The following ARHGAP45 variants were observed in gnomAD, a reference collection of about 807,000 sequenced individuals.
ARHGAP45 encodes the protein rho GTPase-activating protein 45.
In ARHGAP45, 56 loss-of-function variants were observed where a neutral mutation model predicts 116.1. The ratio of observed to expected loss-of-function variants is 0.48; its 90% CI spans 0.39 to 0.60. ARHGAP45 has a LOEUF of 0.60. Ranked by LOEUF, ARHGAP45 falls within the 20% of genes least tolerant of loss-of-function variation. ARHGAP45 has a pLI of 0.00. For synonymous variants in ARHGAP45, 866 were observed against 701.7 expected, an observed-to-expected ratio of 1.23 and a Z score of -3.70; for missense variants, 1,622 against 1,601.0, an observed-to-expected ratio of 1.01 and a Z score of -0.22.
chr19:1,082,786 A>G (rs1365276418), intron 19 of ARHGAP45, 54 bp from the exon 20 acceptor site: 10 of 1,402,534 alleles, frequency 7.1e-6, no homozygotes, highest in Non-Finnish European at 9.4e-6. Flanking sequence ...TGGCAGGCAC[A>G]CGTGGGGGCT....
chr19:1,072,726 T>G (rs1390945908), intron 2 of ARHGAP45, among the ~76,000 whole-genome samples: 1 of 152,192 alleles, frequency 6.6e-6, no homozygotes, highest in Non-Finnish European at 1.5e-5. Flanking sequence ...TGTTGAGAAA[T>G]GGCTTCCCCT....
chr19:1,086,295 G>C lies in ARHGAP45; in HGVS notation c.*289G>C. On this transcript the variant is annotated 3_prime_UTR_variant, in exon 23 of 23. Transcript: ENST00000313093. The stretch of plus-strand genomic sequence containing the variant: ...CAGTGGCCTTGTTGGTGCCCACAGG[G>C]CTGTGTGGATGGAGGAAGCTGTCCC... 2.6e-6 allele frequency: 1 copy of C among 390,174 alleles called. No individual in the cohort carries two copies. Among genetic ancestry groups the C allele is most frequent in the Non-Finnish European group, 4.7e-6 (1 of 211,460 alleles). 24.2% of individuals were successfully genotyped at this position (390,174 alleles called of 1,614,324 possible).
Position 1,083,033 on chromosome 19 carries a change from C to A in ARHGAP45, c.2711C>A (p.Ala904Asp). 1.3e-6 allele frequency: 2 copies of A among 1,544,940 alleles called. No individual in the cohort carries two copies. Among genetic ancestry groups the A allele is most frequent in the Non-Finnish European group, 1.7e-6 (2 of 1,150,180 alleles). ...CGGGACCTGCCGCCTGAGAACCGGG[C>A]CTCGCTGCAGTACCTGCTGCGTCAC... is the stretch of plus-strand genomic sequence containing the variant. The part of the protein sequence containing the change: ...LLRDLPPENR[A>D]SLQYLLRHLR... Residue 904 changes from alanine (A) to aspartate (D), a missense_variant, in exon 20 of 23, where the codon GCC becomes GAC. By Grantham distance (126) the Ala-to-Asp change is moderately radical (BLOSUM62 -2). This residue lies in a region of ARHGAP45 where 1,334 missense variants were observed against 1,263.8 expected (regional missense o/e 1.06). Coordinates refer to ENST00000313093, the MANE Select transcript of ARHGAP45 (RefSeq NM_012292.5).
rs1318585481 is a variant in ARHGAP45, at chr19:1,071,306, G to C, written c.422-1843G>C. The C allele has an allele frequency of 1.4e-5, 21 of 1,460,632 alleles. No individual in the cohort carries two copies. Among genetic ancestry groups the C allele is most frequent in the Non-Finnish European group, 1.9e-5 (21 of 1,112,632 alleles). The allele number at this position is 1,460,632 out of a possible 1,614,324, so 90.5% of individuals were successfully genotyped here. A position where few individuals can be genotyped will look rare whatever the true frequency, so the allele number is the denominator to read the frequency against. The stretch of plus-strand genomic sequence containing the variant: ...GCTGCGCCATGTGTATCTGCGGGAC[G>C]GCGCACCCGGTGCTGGACGAGGGCC... On this transcript the variant is annotated intron_variant, in intron 2 of 22. Transcript: ENST00000313093. This position sits in a 1 kb window ranked among gnomAD's most constrained non-coding sequence, Gnocchi z 4.6.
chr19:1,084,333 G>A lies in ARHGAP45; in HGVS notation c.3051G>A (p.Ala1017=), dbSNP rs756048698. 15 of 1,609,882 alleles carry A rather than the reference G, an allele frequency of 9.3e-6. No individual in the cohort carries two copies. The highest frequency in any genetic ancestry group is 1.3e-5 in the African/African-American group (1 of 74,688). ...AVVYPLQEAA[A]DGCRESRVVS... is the part of the protein sequence containing the mutation. The stretch of plus-strand genomic sequence containing the variant: ...TCTACCCGCTGCAGGAGGCGGCGGC[G>A]GACGGGTGCAGAGGTGAGTGTGTGG... The change falls in exon 22 of 23, where the codon GCG becomes GCA. Residue 1017 remains alanine, a synonymous_variant. Coordinates refer to ENST00000313093, the MANE Select transcript of ARHGAP45 (RefSeq NM_012292.5).
chr19:1,081,812 GGGC>G lies in ARHGAP45; in HGVS notation c.2380-11_2380-9del. 6.3e-7 allele frequency: 1 copy of G among 1,599,380 alleles called. No homozygotes were observed. The highest frequency in any genetic ancestry group is 8.5e-7 in the Non-Finnish European group (1 of 1,173,390). On this transcript the variant is annotated splice_polypyrimidine_tract_variant and intron_variant, in intron 18 of 22. Transcript: ENST00000313093. ...GAGGCTGATGGGCCTCCCCACCCCC[GGGC>G]TCCCGCAGGGCATCTACCGGGTCAA...
chr19:1,074,621 T>G lies in ARHGAP45; in HGVS notation c.1001T>G (p.Met334Arg), dbSNP rs2043202381. ...CCGGTGCCCCACCCACAGCCCCACATGCCGCTCCTGTCCATCTACTCGCTG... is the reference window on the plus strand; with the variant it reads ...CCGGTGCCCCACCCACAGCCCCACAGGCCGCTCCTGTCCATCTACTCGCTG... ...CRQSVMQEPHMPLLSIYSLAL... is the reference protein window; with the variant it reads ...CRQSVMQEPHRPLLSIYSLAL... The change falls in exon 9 of 23, where the codon ATG becomes AGG. Residue 334 changes from methionine (M) to arginine (R), a missense_variant. Coordinates refer to ENST00000313093, the MANE Select transcript of ARHGAP45 (RefSeq NM_012292.5). 6.3e-7 allele frequency: 1 copy of G among 1,588,466 alleles called. No individual in the cohort carries two copies. Among genetic ancestry groups the G allele is most frequent in the East Asian group, 2.3e-5 (1 of 43,812 alleles).
chr19:1,084,144 A>C (rs765193587), intron 21 of ARHGAP45, 94 bp from the exon 22 acceptor site: 13 of 1,166,766 alleles, frequency 1.1e-5, no homozygotes, highest in Admixed American at 1.7e-5. Context: ...AGCGGGTGTC[A>C]GTAGCTGTTA....
chr19:1,074,415 C>T lies in ARHGAP45; in HGVS notation c.993+8C>T. On this transcript the variant is annotated splice_region_variant and intron_variant, in intron 8 of 22. Transcript: ENST00000313093. The stretch of plus-strand genomic sequence containing the variant: ...CAGAGCGTCATGCAGGAGGTGGGGG[C>T]CCCGCGGGCACGGGGCGGGGGTCCC... 6.5e-7 allele frequency: 1 copy of T among 1,539,160 alleles called. No individual in the cohort carries two copies. Among genetic ancestry groups the T allele is most frequent in the Non-Finnish European group, 8.8e-7 (1 of 1,141,050 alleles).
chr19:1,080,419 C>T (rs2043398104), intron 14 of ARHGAP45, 40 bp downstream of exon 14: 1 of 1,610,308 alleles, frequency 6.2e-7, no homozygotes, highest in South Asian at 1.1e-5. Context: ...CGCTGGCTCC[C>T]TGCGACCCAC....
At chr19:1,079,316 C>T (rs1039645931) in intron 11 of ARHGAP45, among the ~76,000 whole-genome samples, 22 of 151,584 alleles carry the variant, frequency 1.5e-4, no homozygotes, top group Non-Finnish European at 2.9e-4. Context: ...GCCTGGGCAA[C>T]ATGGTGAAAC....
intron 2 of ARHGAP45, among the ~76,000 whole-genome samples, chr19:1,072,897 G>A (rs1313606324): frequency 6.6e-6 from 1 of 152,230 alleles, no homozygotes; most frequent in Non-Finnish European, 1.5e-5. Flanking sequence ...TTGCTTTCTG[G>A]AGGGACAAGA....
In ARHGAP45 at chr19:1,068,162, G is replaced by A. The variant is rs1008944854; in HGVS notation, c.91-252G>A. ...CAGGAAGTGGGGACCCCCCTCCCGC[G>A]CCTCCCCGCAGGCCCCGCCCCGGCT... On this transcript the variant is annotated intron_variant, in intron 1 of 22. Coordinates refer to ENST00000313093, the MANE Select transcript of ARHGAP45 (RefSeq NM_012292.5). The surrounding 1 kb of genome is among the most constrained non-coding windows in gnomAD (Gnocchi z 7.5). 1.3e-5 allele frequency among the ~76,000 whole-genome samples: 2 copies of A among 152,002 alleles called. No homozygotes were observed. Among genetic ancestry groups the A allele is most frequent in the East Asian group, 1.9e-4 (1 of 5,166 alleles).
At chr19:1,080,626 T>C in intron 15 of ARHGAP45, 56 bp from the exon 16 acceptor site, 1 of 1,603,806 alleles carries the variant, frequency 6.2e-7, no homozygotes. Context: ...CCCACCGGGG[T>C]GATGGAGGGG....
chr19:1,067,302 G>A lies in ARHGAP45; in HGVS notation c.-104G>A. 7.0e-7 allele frequency: 1 copy of A among 1,428,616 alleles called. No individual in the cohort carries two copies. The highest frequency in any genetic ancestry group is 9.1e-7 in the Non-Finnish European group (1 of 1,093,028). The allele number at this position is 1,428,616 out of a possible 1,614,324, so 88.5% of individuals were successfully genotyped here. A position where few individuals can be genotyped will look rare whatever the true frequency, so the allele number is the denominator to read the frequency against. ...CTGTCACGTGGGCCTGACAGCTGGG[G>A]AGGGGGTGGCCGGCGACAATGTGGT... On this transcript the variant is annotated 5_prime_UTR_variant, in exon 1 of 23. Transcript: ENST00000313093.
Position 1,069,816 on chromosome 19 carries a change from C to T in ARHGAP45, c.421+1072C>T, listed in dbSNP as rs368207433. Among the ~76,000 whole-genome samples the T allele has an allele frequency of 1.5e-5, 2 of 132,158 alleles. No individual in the cohort carries two copies. Among genetic ancestry groups the T allele is most frequent in the African/African-American group, 5.6e-5 (2 of 35,494 alleles). 86.7% of individuals were successfully genotyped at this position (132,158 alleles called of 152,430 possible). On this transcript the variant is annotated intron_variant, in intron 2 of 22. Transcript: ENST00000313093. The surrounding 1 kb of genome is among the most constrained non-coding windows in gnomAD (Gnocchi z 4.1). ...GAACTGGGCCAGCCAGGGTGGGGCA[C>T]TTTTTTTTTTTTTTTTTTGATACAG... is the stretch of plus-strand genomic sequence containing the variant.
At chr19:1,076,085 G>A (rs529729803) in intron 10 of ARHGAP45, among the ~76,000 whole-genome samples, 1 of 152,234 alleles carries the variant, frequency 6.6e-6, no homozygotes, top group Non-Finnish European at 1.5e-5. Flanking sequence ...TTTCATGGAC[G>A]TCTTGGGAGT....
Position 1,086,293 on chromosome 19 carries a change from GGGCTGTGT to G in ARHGAP45, c.*290_*297del. On this transcript the variant is annotated 3_prime_UTR_variant, in exon 23 of 23. Coordinates refer to ENST00000313093, the MANE Select transcript of ARHGAP45 (RefSeq NM_012292.5). ...CACAGTGGCCTTGTTGGTGCCCACAGGGCTGTGTGGATGGAGGAAGCTGTCCCTGCCCA... is the reference window on the plus strand; with the variant it reads ...CACAGTGGCCTTGTTGGTGCCCACAGGGATGGAGGAAGCTGTCCCTGCCCA... 1 of 391,606 alleles carries G rather than the reference GGGCTGTGT, an allele frequency of 2.6e-6. No homozygotes were observed. The allele number at this position is 391,606 out of a possible 1,614,324, so 24.3% of individuals were successfully genotyped here. A position where few individuals can be genotyped will look rare whatever the true frequency, so the allele number is the denominator to read the frequency against.
At chr19:1,066,131 C>T, upstream of ARHGAP45, 1 of 1,535,680 alleles carries the variant, frequency 6.5e-7, no homozygotes, top group Admixed American at 2.0e-5. Flanking sequence ...CCTTCATGTC[C>T]TGTGCCCCAG....
Sources: gnomAD v4.1 joint callset for allele counts (sites outside exome capture counted in the v4.1 genomes callset) on GRCh38, gnomAD v4.1.1 for gene constraint, gnomAD v4.1.1 regional missense constraint, Gnocchi (gnomAD v3.1) non-coding constraint, MANE v1.5 for transcripts, NCBI Gene and HGNC (gene_info 2026-07-23, HGNC 2026-07-21) for gene names.